Variants in RHOBTB1 observed in about 807,000 individuals in gnomAD.
RHOBTB1 encodes the protein rho-related BTB domain-containing protein 1.
In RHOBTB1, 40 loss-of-function variants were observed where a neutral mutation model predicts 71.6. The ratio of observed to expected loss-of-function variants is 0.56; its 90% CI spans 0.43 to 0.73. RHOBTB1 has a LOEUF of 0.73. Ranked by LOEUF, RHOBTB1 falls within the 30% of genes least tolerant of loss-of-function variation. The pLI is 0.00. For missense variants in RHOBTB1, 797 were observed against 894.0 expected, an observed-to-expected ratio of 0.89 and a Z score of 1.38; for synonymous variants, 319 against 334.9, an observed-to-expected ratio of 0.95 and a Z score of 0.52.
At chr10:60,862,531 T>G in the RHOBTB1 span, among the ~76,000 whole-genome samples, 1 of 149,694 alleles carries the variant, frequency 6.7e-6, no homozygotes, top group African/African-American at 2.5e-5. Context: ...TCTCTCCCTT[T>G]CTTTCTCTTT....
chr10:60,985,001 A>G (rs1433940823), intron 2 of RHOBTB1, among the ~76,000 whole-genome samples: 1 of 152,212 alleles, frequency 6.6e-6, no homozygotes, highest in African/African-American at 2.4e-5. Context: ...TACTATATGT[A>G]GTTAAAGATA....
intron 2 of RHOBTB1, among the ~76,000 whole-genome samples, chr10:60,954,214 A>C (rs865790529): frequency 3.9e-5 from 6 of 152,228 alleles, no homozygotes; most frequent in Non-Finnish European, 5.9e-5. Flanking sequence ...TTCCTTGGGC[A>C]AGTCAAGTCA....
chr10:60,934,112 G>A (rs1346885668), intron 2 of RHOBTB1, among the ~76,000 whole-genome samples: 1 of 152,106 alleles, frequency 6.6e-6, no homozygotes, highest in African/African-American at 2.4e-5. Flanking sequence ...AGGGCAAGGA[G>A]GTAGGAAAAC....
intron 2 of RHOBTB1, among the ~76,000 whole-genome samples, chr10:60,959,889 T>C (rs2085720652): frequency 6.6e-6 from 1 of 152,188 alleles, no homozygotes; most frequent in South Asian, 2.1e-4. Flanking sequence ...TTAAATACAA[T>C]TATGTAAATG....
intron 1 of RHOBTB1, among the ~76,000 whole-genome samples, chr10:60,994,470 C>G (rs1438368912): frequency 6.6e-6 from 1 of 152,062 alleles, no homozygotes; most frequent in African/African-American, 2.4e-5. Flanking sequence ...ATGGGAGAAA[C>G]AGGCTTGTGA....
intron 8 of RHOBTB1, among the ~76,000 whole-genome samples, chr10:60,876,079 C>T (rs1452225067): frequency 6.6e-6 from 1 of 152,194 alleles, no homozygotes; most frequent in African/African-American, 2.4e-5. Flanking sequence ...TTGGCACAAA[C>T]CTCCTCAACT....
chr10:60,864,433 T>C, the RHOBTB1 span, among the ~76,000 whole-genome samples: 1 of 152,126 alleles, frequency 6.6e-6, no homozygotes, highest in African/African-American at 2.4e-5. Context: ...TGGAAATATT[T>C]GAATAAAACG....
At chr10:60,927,404 AC>A (rs1486613292) in intron 2 of RHOBTB1, among the ~76,000 whole-genome samples, 1 of 152,220 alleles carries the variant, frequency 6.6e-6, no homozygotes, top group South Asian at 2.1e-4. Context: ...ATTAACCATA[AC>A]AGCTAACCTG....
chr10:60,886,099 G>A lies in RHOBTB1; in HGVS notation c.1575+13C>T. The A allele has an allele frequency of 1.9e-6, 3 of 1,582,962 alleles. No individual in the cohort carries two copies. Among genetic ancestry groups the A allele is most frequent in the Non-Finnish European group, 2.6e-6 (3 of 1,151,668 alleles). On this transcript the variant is annotated intron_variant, in intron 7 of 10. Coordinates refer to ENST00000337910, the MANE Select transcript of RHOBTB1 (RefSeq NM_014836.5). The stretch of plus-strand genomic sequence containing the variant: ...TCATAAAGACACCACTATGCTTTTA[G>A]GAAGGCACGTACCTCACTGTTGGCA...
At position 60,920,540 on chromosome 10, in the gene RHOBTB1, A is replaced by C. The variant is rs1460406359; in HGVS notation, c.-10-8988T>G. On this transcript the variant is annotated intron_variant, in intron 2 of 10. Transcript: ENST00000337910. ...GATCATACTCAGCCTTTCAGGCCAT[A>C]GTCAGGAGTTTGGATCTTATTCTAA... Among the ~76,000 whole-genome samples, 3 of 151,838 alleles carry C rather than the reference A, an allele frequency of 2.0e-5. No individual in the cohort carries two copies. The East Asian group carries it at 5.8e-4, about 29-fold the overall frequency.
At chr10:60,946,179 G>GA (rs11344569), upstream of RHOBTB1, among the ~76,000 whole-genome samples, 503 of 143,892 alleles carry the variant, frequency 3.5e-3, 6 homozygotes, top group South Asian at 0.027. Flanking sequence ...CTCCTTCTCA[G>GA]AAAAAAAAAA....
intron 6 of RHOBTB1, 89 bp downstream of exon 6, chr10:60,888,123 A>G (rs2081681711): frequency 2.1e-6 from 3 of 1,406,254 alleles, no homozygotes; most frequent in East Asian, 2.4e-5. Flanking sequence ...AATGTTAGCT[A>G]TCGTTCTTCT....
chr10:60,937,854 T>C (rs2084677481), intron 2 of RHOBTB1, among the ~76,000 whole-genome samples: 1 of 152,170 alleles, frequency 6.6e-6, no homozygotes, highest in East Asian at 1.9e-4. Flanking sequence ...CGAGATACTC[T>C]AGGAAGGCTA....
rs547177661 is a variant in RHOBTB1, at chr10:60,872,303, G to A, written c.1816-13C>T. ...GGGCATTGTGAAACTGCAGAAAAGT[G>A]AGCAAAAGGAGGGTAAGACTATTTT... On this transcript the variant is annotated splice_polypyrimidine_tract_variant and intron_variant, in intron 9 of 10. Coordinates refer to ENST00000337910, the MANE Select transcript of RHOBTB1 (RefSeq NM_014836.5). The A allele has an allele frequency of 3.2e-5, 51 of 1,590,220 alleles. No individual in the cohort carries two copies. The South Asian group carries it at 4.1e-4, about 13-fold the overall frequency.
chr10:60,978,146 A>T (rs2086376082), intron 2 of RHOBTB1, among the ~76,000 whole-genome samples: 2 of 152,296 alleles, frequency 1.3e-5, no homozygotes, highest in South Asian at 4.1e-4. Context: ...CTCTGCATTA[A>T]ATATATATTT....
Position 60,940,754 on chromosome 10 carries a change from C to CA in RHOBTB1, c.-11+1049dup, listed in dbSNP as rs963689642. Among the ~76,000 whole-genome samples the CA allele has an allele frequency of 2.0e-4, 31 of 151,670 alleles. No individual in the cohort carries two copies. The East Asian group carries it at 2.9e-3, about 14-fold the overall frequency. ...CTCACCGATTAATCATCTATCCAGA[C>CA]AAAAAAAATGTGCTTGGAAATTTTT... On this transcript the variant is annotated intron_variant, in intron 2 of 10. Coordinates refer to ENST00000337910, the MANE Select transcript of RHOBTB1 (RefSeq NM_014836.5).
intron 2 of RHOBTB1, among the ~76,000 whole-genome samples, chr10:60,939,443 C>T (rs1206240487): frequency 6.6e-6 from 1 of 152,190 alleles, no homozygotes; most frequent in African/African-American, 2.4e-5. Flanking sequence ...ATCCCATCCA[C>T]TGGAGTGACT....
chr10:60,879,935 A>AAC (rs2081239847), intron 7 of RHOBTB1, among the ~76,000 whole-genome samples: 1 of 152,126 alleles, frequency 6.6e-6, no homozygotes, highest in African/African-American at 2.4e-5. Flanking sequence ...TTCCGTTCTG[A>AAC]ACATGTACAG....
intron 5 of RHOBTB1, among the ~76,000 whole-genome samples, 181 bp downstream of exon 5, chr10:60,892,629 G>A (rs1320716612): frequency 6.6e-6 from 1 of 152,150 alleles, no homozygotes; most frequent in East Asian, 1.9e-4. Flanking sequence ...CACCAGAGAT[G>A]ATGGTGCCTG....
Sources: gnomAD v4.1 joint callset for allele counts (sites outside exome capture counted in the v4.1 genomes callset) on GRCh38, gnomAD v4.1.1 for gene constraint, MANE v1.5 for transcripts, NCBI Gene and HGNC (gene_info 2026-07-23, HGNC 2026-07-21) for gene names.